Variants in DSCAML1 observed in about 807,000 individuals in gnomAD.
DSCAML1 encodes the protein cell adhesion molecule DSCAML1.
In DSCAML1, 38 loss-of-function variants were observed where a neutral mutation model predicts 200.5. The ratio of observed to expected loss-of-function variants is 0.19; its 90% CI spans 0.15 to 0.25. The LOEUF (loss-of-function observed/expected upper bound fraction) is 0.25. DSCAML1 is among the 10% of genes least tolerant of loss of function. The pLI, the probability that DSCAML1 is intolerant of heterozygous loss-of-function variation, is 1.00. For synonymous variants in DSCAML1, 1,215 were observed against 1,165.0 expected (o/e 1.04, Z -0.87); for missense variants, 2,223 against 2,858.8 (o/e 0.78, Z 5.07).
intron 31 of DSCAML1, 133 bp from the exon 32 acceptor site, chr11:117,431,166 C>A: frequency 1.1e-6 from 1 of 871,680 alleles, no homozygotes. Context: ...CTGAGAAGAT[C>A]CCGTGAAGGT....
At chr11:117,639,246 A>C (rs1028600943) in intron 3 of DSCAML1, among the ~76,000 whole-genome samples, 1 of 138,680 alleles carries the variant, frequency 7.2e-6, no homozygotes, top group Admixed American at 7.3e-5. Flanking sequence ...GATGGATGGG[A>C]GGCTGGGTGG....
At chr11:117,667,293 TC>T (rs1362409835) in intron 3 of DSCAML1, among the ~76,000 whole-genome samples, 4 of 152,154 alleles carry the variant, frequency 2.6e-5, no homozygotes, top group African/African-American at 9.7e-5. Flanking sequence ...ATGCCTATAA[TC>T]CTAGCTACTC....
At chr11:117,531,773 C>T (rs1465268466) in intron 4 of DSCAML1, among the ~76,000 whole-genome samples, 1 of 151,980 alleles carries the variant, frequency 6.6e-6, no homozygotes, top group Non-Finnish European at 1.5e-5. Context: ...ATAATCCCAG[C>T]TGCTCAGGAG....
At chr11:117,534,981 T>A (rs2076965) in intron 3 of DSCAML1, among the ~76,000 whole-genome samples, 14,493 of 151,656 alleles carry the variant, frequency 0.096, 756 homozygotes, top group Middle Eastern at 0.14. Flanking sequence ...TTGGTTTATC[T>A]ACAATTCCAA....
chr11:117,577,831 T>C (rs1238493543), intron 3 of DSCAML1, among the ~76,000 whole-genome samples: 1 of 151,298 alleles, frequency 6.6e-6, no homozygotes, highest in Non-Finnish European at 1.5e-5. Context: ...TCTACCAAAG[T>C]GCTGGGATTA....
chr11:117,663,586 A>T (rs533602738), intron 3 of DSCAML1, among the ~76,000 whole-genome samples: 1 of 152,054 alleles, frequency 6.6e-6, no homozygotes, highest in Non-Finnish European at 1.5e-5. Context: ...CTCTTCCAGG[A>T]GGCTCTCTCT....
intron 3 of DSCAML1, among the ~76,000 whole-genome samples, chr11:117,564,090 T>C (rs2050711301): frequency 6.6e-6 from 1 of 152,204 alleles, no homozygotes; most frequent in Non-Finnish European, 1.5e-5. Context: ...TAGTTTTCCA[T>C]GTCACCAAGC....
At chr11:117,439,473 C>A (rs1467708492) in intron 22 of DSCAML1, 44 bp from the exon 23 acceptor site, 1 of 1,589,782 alleles carries the variant, frequency 6.3e-7, no homozygotes. Context: ...GTCAAGCACC[C>A]CTTCCTCCTG....
chr11:117,562,976 A>T (rs940219159), intron 3 of DSCAML1, among the ~76,000 whole-genome samples: 6 of 152,222 alleles, frequency 3.9e-5, no homozygotes, highest in Non-Finnish European at 7.3e-5. Flanking sequence ...ACTGTCTGGA[A>T]GGATCTGATG....
intron 13 of DSCAML1, 100 bp downstream of exon 13, chr11:117,481,074 C>A: frequency 8.7e-7 from 1 of 1,154,766 alleles, no homozygotes; most frequent in Non-Finnish European, 1.3e-6. Flanking sequence ...CATCCTCCAC[C>A]ATGGCGTAGG....
intron 3 of DSCAML1, among the ~76,000 whole-genome samples, chr11:117,765,605 C>T (rs963480797): frequency 6.6e-5 from 10 of 152,304 alleles, no homozygotes; most frequent in South Asian, 2.1e-4. Context: ...TGTGGACATG[C>T]GTCTGTCTAG....
intron 3 of DSCAML1, among the ~76,000 whole-genome samples, chr11:117,736,744 C>T (rs1390986631): frequency 6.6e-6 from 1 of 152,212 alleles, no homozygotes; most frequent in Non-Finnish European, 1.5e-5. Context: ...ATCACAGAAC[C>T]ATTGGCCCCA....
At chr11:117,745,264 T>C (rs1015367017) in intron 3 of DSCAML1, among the ~76,000 whole-genome samples, 6 of 152,002 alleles carry the variant, frequency 3.9e-5, no homozygotes, top group Admixed American at 6.5e-5. Flanking sequence ...TTCATAAACA[T>C]TCACTTAAGG....
chr11:117,604,096 G>A (rs996755491), intron 3 of DSCAML1, among the ~76,000 whole-genome samples: 4 of 152,176 alleles, frequency 2.6e-5, no homozygotes, highest in African/African-American at 9.7e-5. Context: ...ATTGCCTCTT[G>A]CACCCAGATA....
chr11:117,450,174 C>T (rs1270573315), intron 20 of DSCAML1, among the ~76,000 whole-genome samples: 1 of 152,240 alleles, frequency 6.6e-6, no homozygotes, highest in Non-Finnish European at 1.5e-5. Context: ...CCCAGACCAA[C>T]CATGTTGAAA....
At chr11:117,458,495 C>T (rs930053432) in intron 19 of DSCAML1, among the ~76,000 whole-genome samples, 3 of 152,050 alleles carry the variant, frequency 2.0e-5, no homozygotes, top group African/African-American at 2.4e-5. Context: ...AGGGTTTTTC[C>T]GGCCTCTGAC....
intron 3 of DSCAML1, among the ~76,000 whole-genome samples, chr11:117,691,533 G>A (rs2053493887): frequency 1.3e-5 from 2 of 152,166 alleles, no homozygotes; most frequent in Admixed American, 1.3e-4. Flanking sequence ...CCCATTATGG[G>A]CTTATTAATG....
At chr11:117,693,813 G>A (rs1295178987) in intron 3 of DSCAML1, among the ~76,000 whole-genome samples, 3 of 152,060 alleles carry the variant, frequency 2.0e-5, no homozygotes, top group African/African-American at 7.2e-5. Context: ...TATTTTCCAA[G>A]TATATTTCTC....
At chr11:117,519,297 G>A (rs918165713) in intron 6 of DSCAML1, among the ~76,000 whole-genome samples, 1 of 152,114 alleles carries the variant, frequency 6.6e-6, no homozygotes, top group South Asian at 2.1e-4. Context: ...GGGTGGTGGC[G>A]CTGCAACCCT....
Sources: allele counts gnomAD v4.1 joint callset (sites outside exome capture counted in the v4.1 genomes callset), GRCh38; gene constraint gnomAD v4.1.1; transcripts MANE v1.5; gene names NCBI Gene and HGNC (gene_info 2026-07-23, HGNC 2026-07-21).